The following PDXDC1 variants were observed in gnomAD, a reference collection of about 807,000 sequenced individuals.
The protein encoded by PDXDC1 is pyridoxal dependent decarboxylase domain containing 1.
PDXDC1 carries 42 observed loss-of-function variants against 100.1 expected under a neutral mutation model. That is an observed-to-expected ratio of 0.42 (90% CI 0.33 to 0.54). The LOEUF is 0.54. PDXDC1 is among the 20% of genes least tolerant of loss of function. The pLI, the probability that PDXDC1 is intolerant of heterozygous loss-of-function variation, is 0.10. For missense variants in PDXDC1, 636 were observed against 979.2 expected, an observed-to-expected ratio of 0.65 and a Z score of 4.68; for synonymous variants, 260 against 371.7, an observed-to-expected ratio of 0.70 and a Z score of 3.46.
chr16:15,137,369 G>A lies in PDXDC1; in HGVS notation c.1400-1510G>A, dbSNP rs1183286743. 9.2e-6 allele frequency: 14 copies of A among 1,516,752 alleles called. No homozygotes were observed. The East Asian group carries it at 1.7e-4, about 19-fold the overall frequency. The allele number at this position is 1,516,752 out of a possible 1,614,324, so 94.0% of individuals were successfully genotyped here. A position where few individuals can be genotyped will look rare whatever the true frequency, so the allele number is the denominator to read the frequency against. ...GAAGGAGGCACTAGAGGGCTGGGCC[G>A]CCCCACACAGGCACCAGCCCTGCTC... On this transcript the variant is annotated intron_variant, in intron 16 of 16. Transcript: ENST00000535621.
At chr16:15,009,262 C>G (rs2151428637) in intron 7 of PDXDC1, 2 of 346,320 alleles carry the variant, frequency 5.8e-6, no homozygotes, top group Admixed American at 9.1e-5. Flanking sequence ...ATAAATCTCT[C>G]CTTAATGATT....
chr16:15,061,352 C>A (rs111343819), intron 16 of PDXDC1: 2 of 190,908 alleles, frequency 1.0e-5, no homozygotes, highest in Non-Finnish European at 2.1e-5. Flanking sequence ...CAGTCAAGTC[C>A]TAAGACCATG....
At chr16:14,987,933 T>C (rs1320491101) in intron 1 of PDXDC1, among the ~76,000 whole-genome samples, 1 of 152,236 alleles carries the variant, frequency 6.6e-6, no homozygotes. Context: ...TCTGCCAACA[T>C]TATCAAACAT....
the PDXDC1 span, among the ~76,000 whole-genome samples, chr16:15,149,812 G>A: frequency 5.3e-5 from 8 of 151,628 alleles, no homozygotes; most frequent in African/African-American, 9.7e-5. Context: ...AGAGCAGGGG[G>A]CCCTGAGCTG....
intron 16 of PDXDC1, among the ~76,000 whole-genome samples, chr16:15,073,566 G>T (rs1242656179): frequency 6.6e-6 from 1 of 152,124 alleles, no homozygotes; most frequent in Non-Finnish European, 1.5e-5. Context: ...CACCTGCAAG[G>T]AAGCAGGCCC....
At chr16:14,985,975 C>T (rs1969270478) in intron 1 of PDXDC1, among the ~76,000 whole-genome samples, 3 of 152,252 alleles carry the variant, frequency 2.0e-5, no homozygotes, top group Admixed American at 2.0e-4. Context: ...GTGGCATGTG[C>T]CTGTAGCCAT....
At position 15,038,242 on chromosome 16, in the gene PDXDC1, G is replaced by C. The variant is rs932275008; in HGVS notation, c.*1967G>C. 5.8e-6 allele frequency: 9 copies of C among 1,558,054 alleles called. No homozygotes were observed. The highest frequency in any genetic ancestry group is 1.7e-5 in the Admixed American group (1 of 58,028). On this transcript the variant is annotated 3_prime_UTR_variant, in exon 23 of 23. Transcript: ENST00000396410. ...ACACAAGATGGTGGGCATTAGAGAA[G>C]CCAACCTTACTGTCCCCTGCTGTGA...
chr16:14,987,704 C>G (rs1370372626), intron 1 of PDXDC1, among the ~76,000 whole-genome samples: 1 of 152,296 alleles, frequency 6.6e-6, no homozygotes, highest in Non-Finnish European at 1.5e-5. Context: ...CTCCGCCTCC[C>G]AGGTTCAAGC....
chr16:15,131,815 A>AC (rs1224762073), intron 16 of PDXDC1: 1 of 129,418 alleles, frequency 7.7e-6, no homozygotes, highest in Non-Finnish European at 1.5e-5. Context: ...GGGGAACCTG[A>AC]GGGGGCAGAG....
At chr16:15,012,624 C>T (rs1427917213) in intron 8 of PDXDC1, among the ~76,000 whole-genome samples, 1 of 152,284 alleles carries the variant, frequency 6.6e-6, no homozygotes, top group Non-Finnish European at 1.5e-5. Context: ...ACTGCGAGAT[C>T]AATTGCCCTC....
At chr16:14,975,921 G>T (rs572142276) in intron 1 of PDXDC1, among the ~76,000 whole-genome samples, 1 of 152,420 alleles carries the variant, frequency 6.6e-6, no homozygotes, top group East Asian at 1.9e-4. Flanking sequence ...GAGTTTTGGG[G>T]ATCGCAGCTG....
chr16:15,056,069 C>T, intron 16 of PDXDC1: 1 of 401,004 alleles, frequency 2.5e-6, no homozygotes, highest in South Asian at 1.0e-4. Context: ...CCGCGCGTCC[C>T]GCCTCGTCCT....
intron 16 of PDXDC1, among the ~76,000 whole-genome samples, chr16:15,030,909 CA>C (rs1484164496): frequency 6.6e-6 from 1 of 151,986 alleles, no homozygotes; most frequent in East Asian, 1.9e-4. Flanking sequence ...AGTGGCCGCC[CA>C]CCCCCAGAGA....
At chr16:15,115,195 AGTG>A (rs2047203433) in intron 16 of PDXDC1, among the ~76,000 whole-genome samples, 1 of 141,092 alleles carries the variant, frequency 7.1e-6, no homozygotes, top group Non-Finnish European at 1.5e-5. Context: ...AGCCTCCCAA[AGTG>A]CTGGGATTAC....
At chr16:15,102,873 AG>A (rs1451414431) in intron 16 of PDXDC1, among the ~76,000 whole-genome samples, 1 of 149,578 alleles carries the variant, frequency 6.7e-6, no homozygotes, top group Non-Finnish European at 1.5e-5. Flanking sequence ...CGGAAGTTCA[AG>A]GCTAAAGTGA....
intron 8 of PDXDC1, chr16:15,010,504 T>G (rs1465561277): frequency 6.5e-6 from 1 of 154,338 alleles, no homozygotes; most frequent in East Asian, 1.9e-4. Flanking sequence ...TAAAAATAAT[T>G]GTACTGACGT....
intron 16 of PDXDC1, among the ~76,000 whole-genome samples, chr16:15,053,373 G>A (rs2044370145): frequency 6.6e-6 from 1 of 152,170 alleles, no homozygotes; most frequent in Non-Finnish European, 1.5e-5. Flanking sequence ...TTATTTGCTA[G>A]TCATAGCTAC....
chr16:15,021,179 C>T (rs1175993174), intron 12 of PDXDC1, among the ~76,000 whole-genome samples: 1 of 152,262 alleles, frequency 6.6e-6, no homozygotes, highest in African/African-American at 2.4e-5. Context: ...GAGTTCAACA[C>T]CAGCCTGGGC....
chr16:15,137,705 T>G, intron 16 of PDXDC1: 3 of 1,140,744 alleles, frequency 2.6e-6, no homozygotes, highest in Non-Finnish European at 3.8e-6. Context: ...AGGGCCCAGG[T>G]CCCACCTGGC....
Sources: allele counts gnomAD v4.1 joint callset (sites outside exome capture counted in the v4.1 genomes callset), GRCh38; gene constraint gnomAD v4.1.1; transcripts MANE v1.5; gene names NCBI Gene and HGNC (gene_info 2026-07-23, HGNC 2026-07-21).